USP13: variants seen among roughly 807,000 people sequenced by gnomAD.
USP13 encodes the protein ubiquitin specific peptidase 13.
Under a neutral mutation model 107.8 loss-of-function variants are expected in USP13, and 68 were observed. The ratio of observed to expected loss-of-function variants is 0.63; its 90% CI spans 0.52 to 0.77. The LOEUF (loss-of-function observed/expected upper bound fraction) is 0.77. Ranked by LOEUF, USP13 falls within the 30% of genes least tolerant of loss-of-function variation. The pLI, the probability that USP13 is intolerant of heterozygous loss-of-function variation, is 0.00. For synonymous variants in USP13, 377 were observed against 389.5 expected, an observed-to-expected ratio of 0.97 and a Z score of 0.38; for missense variants, 945 against 1,093.3, an observed-to-expected ratio of 0.86 and a Z score of 1.91.
chr3:179,728,351 A>C (rs1420524219), intron 8 of USP13, among the ~76,000 whole-genome samples: 1 of 137,312 alleles, frequency 7.3e-6, no homozygotes, highest in African/African-American at 2.8e-5. Context: ...ACGGGGCGGC[A>C]GGGCAGAGGT....
chr3:179,682,094 C>A, intron 2 of USP13, 91 bp downstream of exon 2: 2 of 1,468,364 alleles, frequency 1.4e-6, no homozygotes, highest in South Asian at 1.4e-5. Context: ...TGACCATGCC[C>A]ACATAACTTC....
rs138511167 is a variant in USP13, at chr3:179,774,368, T to C, written c.2414-7371T>C. Among the ~76,000 whole-genome samples the C allele has an allele frequency of 6.1e-3, 933 of 152,320 alleles. 7 individuals carry two copies. The highest frequency in any genetic ancestry group is 0.017 in the Middle Eastern group (5 of 294). On this transcript the variant is annotated intron_variant, in intron 19 of 20. Transcript: ENST00000263966. ...ACCCTCCCTGTGAGTGTTACAGTTC[T>C]TAAAGATGGTGTGTCCGCAGTTTGT... is the stretch of plus-strand genomic sequence containing the variant.
At chr3:179,663,334 G>C (rs1000048222) in intron 1 of USP13, among the ~76,000 whole-genome samples, 3 of 152,184 alleles carry the variant, frequency 2.0e-5, no homozygotes, top group Non-Finnish European at 4.4e-5. Context: ...TGTAAGGCAG[G>C]ATAATATCCC....
At chr3:179,774,605 T>C (rs2108548890) in intron 19 of USP13, among the ~76,000 whole-genome samples, 1 of 152,262 alleles carries the variant, frequency 6.6e-6, no homozygotes, top group Middle Eastern at 3.4e-3. Flanking sequence ...CTGCAGACCT[T>C]TGCAGTGATT....
At position 179,757,294 on chromosome 3, in the gene USP13, T is replaced by TGG. The variant is rs748346955; in HGVS notation, c.1948+218_1948+219dup. 1.1e-3 allele frequency among the ~76,000 whole-genome samples: 161 copies of TGG among 152,284 alleles called. 2 individuals are homozygous for TGG. Among genetic ancestry groups the TGG allele is most frequent in the African/African-American group, 3.6e-3 (150 of 41,566 alleles). On this transcript the variant is annotated intron_variant, in intron 16 of 20. Coordinates refer to ENST00000263966, the MANE Select transcript of USP13 (RefSeq NM_003940.3). ...CCATTAGCATGAAGCTAACTAGCCCTGGGTCAGAATCTTGGCCTGTGGTTT... is the reference window on the plus strand; with the variant it reads ...CCATTAGCATGAAGCTAACTAGCCCTGGGGGTCAGAATCTTGGCCTGTGGTTT...
At position 179,761,261 on chromosome 3, in the gene USP13, T is replaced by A. The variant is rs186765267; in HGVS notation, c.2092+6T>A. Reference sequence around the variant, plus strand: ...TGTTCACATGGAAGAGCCAGGTAGGTGGCGAGAAAATGGAATGGCTTTGGA... The same window carrying A: ...TGTTCACATGGAAGAGCCAGGTAGGAGGCGAGAAAATGGAATGGCTTTGGA... On this transcript the variant is annotated splice_donor_region_variant and intron_variant, in intron 17 of 20. Transcript: ENST00000263966. 1 of 1,614,100 alleles carries A rather than the reference T, an allele frequency of 6.2e-7. No individual in the cohort carries two copies. Among genetic ancestry groups the A allele is most frequent in the African/African-American group, 1.3e-5 (1 of 75,028 alleles).
At chr3:179,662,336 C>T (rs994966435) in intron 1 of USP13, among the ~76,000 whole-genome samples, 1 of 152,120 alleles carries the variant, frequency 6.6e-6, no homozygotes, top group Admixed American at 6.6e-5. Context: ...CATAGAAAAC[C>T]TTTCTCTTTA....
rs1038850313 is a variant in USP13, at chr3:179,778,203, C to G, written c.2414-3536C>G. ...AATAATTATTTCACCAGTTTATACC[C>G]CAATATATGCTTTGGTAGGAGGTTT... On this transcript the variant is annotated intron_variant, in intron 19 of 20. Coordinates refer to ENST00000263966, the MANE Select transcript of USP13 (RefSeq NM_003940.3). 1.2e-4 allele frequency among the ~76,000 whole-genome samples: 18 copies of G among 151,978 alleles called. 1 individual carries two copies. Among genetic ancestry groups the G allele is most frequent in the Admixed American group, 1.0e-3 (16 of 15,262 alleles).
Position 179,678,994 on chromosome 3 carries a change from TA to T in USP13, c.169-2883del, listed in dbSNP as rs1443493703. 1.3e-5 allele frequency among the ~76,000 whole-genome samples: 2 copies of T among 152,206 alleles called. No homozygotes were observed. The highest frequency in any genetic ancestry group is 4.8e-5 in the African/African-American group (2 of 41,450). ...TATACCTTTTATTTATTTATTTATT[TA>T]GTTTGCTTATTGCAATGTATATGCT... On this transcript the variant is annotated intron_variant, in intron 1 of 20. Transcript: ENST00000263966. The surrounding 1 kb of genome is among the most constrained non-coding windows in gnomAD (Gnocchi z 4.2).
At chr3:179,686,208 AT>A (rs1205369395) in intron 2 of USP13, among the ~76,000 whole-genome samples, 1 of 152,088 alleles carries the variant, frequency 6.6e-6, no homozygotes, top group Non-Finnish European at 1.5e-5. Flanking sequence ...TGGTATCCTC[AT>A]CATACTCATA....
At chr3:179,688,326 C>T (rs762670955) in intron 2 of USP13, among the ~76,000 whole-genome samples, 1 of 152,194 alleles carries the variant, frequency 6.6e-6, no homozygotes, top group Non-Finnish European at 1.5e-5. Flanking sequence ...AAATGAACTG[C>T]TCATTTCCTC....
At chr3:179,746,554 T>G (rs1334339405) in intron 13 of USP13, among the ~76,000 whole-genome samples, 1 of 152,192 alleles carries the variant, frequency 6.6e-6, no homozygotes, top group Non-Finnish European at 1.5e-5. Context: ...TGCCTCAGCT[T>G]CCCGAGTAGC....
rs1713976942 is a variant in USP13, at chr3:179,735,816, TG to T, written c.1255-4430del. ...GAGAAGCTGAGGCAGGAAGACTGCT[TG>T]AAACCAGGACTTTGAGACCAACCTG... On this transcript the variant is annotated intron_variant, in intron 10 of 20. Coordinates refer to ENST00000263966, the MANE Select transcript of USP13 (RefSeq NM_003940.3). Among the ~76,000 whole-genome samples the T allele has an allele frequency of 3.3e-5, 5 of 152,154 alleles. No individual in the cohort carries two copies. The South Asian group carries it at 8.3e-4, about 25-fold the overall frequency.
intron 19 of USP13, among the ~76,000 whole-genome samples, chr3:179,776,316 C>A (rs1283559228): frequency 6.6e-6 from 1 of 152,186 alleles, no homozygotes; most frequent in East Asian, 1.9e-4. Context: ...GGTCACTTAC[C>A]AATCCCTCCC....
intron 3 of USP13, among the ~76,000 whole-genome samples, chr3:179,694,799 C>CAAAGAAAAAAAAAAAAA (rs1327789835): frequency 3.7e-5 from 3 of 82,150 alleles, no homozygotes; most frequent in Non-Finnish European, 4.9e-5. Flanking sequence ...AACTCCATCT[C>CAAAGAAAAAAAAAAAAA]AAAAAAAAAA....
intron 7 of USP13, 33 bp downstream of exon 7, chr3:179,720,067 G>C (rs1459513015): frequency 6.4e-7 from 1 of 1,571,110 alleles, no homozygotes; most frequent in Non-Finnish European, 8.8e-7. Context: ...TTTCCATCTT[G>C]CATGGGGTAG....
chr3:179,654,601 A>T (rs1720196343), intron 1 of USP13, among the ~76,000 whole-genome samples: 1 of 152,156 alleles, frequency 6.6e-6, no homozygotes, highest in South Asian at 2.1e-4. Flanking sequence ...TTATCCACCC[A>T]CTTTAGATCT....
chr3:179,732,567 T>C (rs1171606128), intron 10 of USP13, among the ~76,000 whole-genome samples: 1 of 152,124 alleles, frequency 6.6e-6, no homozygotes, highest in Admixed American at 6.6e-5. Flanking sequence ...GTGGTGGTGG[T>C]GAATGTTTTA....
chr3:179,731,758 G>T (rs1007846432), intron 10 of USP13, among the ~76,000 whole-genome samples: 1 of 152,128 alleles, frequency 6.6e-6, no homozygotes, highest in Non-Finnish European at 1.5e-5. Flanking sequence ...GTCCTCTCCC[G>T]TTGCCACAGA....
Sources: gnomAD v4.1 joint callset for allele counts (sites outside exome capture counted in the v4.1 genomes callset) on GRCh38, gnomAD v4.1.1 for gene constraint, Gnocchi (gnomAD v3.1) non-coding constraint, MANE v1.5 for transcripts, NCBI Gene and HGNC (gene_info 2026-07-23, HGNC 2026-07-21) for gene names.